Variants in PIWIL3 observed in about 807,000 individuals in gnomAD.
PIWIL3 encodes piwi like RNA-mediated gene silencing 3, also known as piwi-like protein 3.
Under a neutral mutation model 109.7 loss-of-function variants are expected in PIWIL3, and 101 were observed. That is an observed-to-expected ratio of 0.92 (90% CI 0.78 to 1.09). The LOEUF is 1.09. PIWIL3 is among the 50% of genes least tolerant of loss of function. PIWIL3 has a pLI of 0.00. For synonymous variants in PIWIL3, 373 were observed against 376.4 expected, an observed-to-expected ratio of 0.99 and a Z score of 0.10; for missense variants, 1,031 against 1,072.6, an observed-to-expected ratio of 0.96 and a Z score of 0.54.
chr22:24,753,089 CCA>C (rs1358511560), intron 8 of PIWIL3, among the ~76,000 whole-genome samples: 2 of 152,048 alleles, frequency 1.3e-5, no homozygotes, highest in African/African-American at 4.8e-5. Context: ...AACATTTTCC[CCA>C]GTTTTTCCAG....
chr22:24,739,775 G>GGGCGGT (rs1923872301), intron 12 of PIWIL3, among the ~76,000 whole-genome samples: 1 of 152,134 alleles, frequency 6.6e-6, no homozygotes, highest in South Asian at 2.1e-4. Context: ...ATAGGGCCGG[G>GGGCGGT]GGCGGTGGCT....
At chr22:24,772,112 A>T (rs1229396253) in intron 1 of PIWIL3, among the ~76,000 whole-genome samples, 1 of 152,246 alleles carries the variant, frequency 6.6e-6, no homozygotes, top group Non-Finnish European at 1.5e-5. Context: ...ACCAAACAGT[A>T]AGAATTATTA....
intron 11 of PIWIL3, among the ~76,000 whole-genome samples, 178 bp downstream of exon 11, chr22:24,749,225 TC>T (rs910419780): frequency 3.3e-5 from 5 of 151,728 alleles, no homozygotes; most frequent in Non-Finnish European, 5.9e-5. Context: ...ATTTCATTCT[TC>T]CCCCCCGGCC....
At position 24,749,586 on chromosome 22, in the gene PIWIL3, A is replaced by C; in HGVS notation, c.1217-65T>G. ...ATTTGAGTGAGGACTAAATTATAAC[A>C]GCTGGAGGAACCTACTACCAAGGAG... On this transcript the variant is annotated intron_variant, in intron 10 of 20. Coordinates refer to ENST00000616349, the MANE Select transcript of PIWIL3 (RefSeq NM_001255975.1). 4 of 1,610,608 alleles carry C rather than the reference A, an allele frequency of 2.5e-6. No individual in the cohort carries two copies. In the Admixed American group the frequency reaches 6.7e-5, roughly 27 times the overall value.
intron 12 of PIWIL3, among the ~76,000 whole-genome samples, chr22:24,748,454 T>C (rs12158418): frequency 0.057 from 8,747 of 152,292 alleles, 324 homozygotes; most frequent in Middle Eastern, 0.13. Context: ...GAAGGACAAA[T>C]GCTTGAGGGG....
At position 24,757,932 on chromosome 22, in the gene PIWIL3, T is replaced by C. The variant is rs1925190243; in HGVS notation, c.331A>G (p.Lys111Glu). The change falls in exon 4 of 21, where the codon AAG becomes GAG. Residue 111 changes from lysine to glutamate, a missense_variant. Coordinates refer to ENST00000616349, the MANE Select transcript of PIWIL3 (RefSeq NM_001255975.1). The part of the protein sequence containing the change: ...DLVVNTRQDM[K>E]HVKDSKTGSE... ...CCTGTTTTTGAGTCTTTAACATGCTTCATATCTTGCCTGGTGTTCACCACC... is the reference window on the plus strand; with the variant it reads ...CCTGTTTTTGAGTCTTTAACATGCTCCATATCTTGCCTGGTGTTCACCACC... 5 of 1,612,966 alleles carry C rather than the reference T, an allele frequency of 3.1e-6. No individual in the cohort carries two copies. Among genetic ancestry groups the C allele is most frequent in the Non-Finnish European group, 4.2e-6 (5 of 1,179,692 alleles).
rs1416940689 is a variant in PIWIL3 at position 24,721,402 on chromosome 22, T to C, written c.2358-1507A>G. Among the ~76,000 whole-genome samples the C allele has an allele frequency of 2.0e-5, 3 of 152,212 alleles. No homozygotes were observed. The East Asian group carries it at 5.8e-4, about 29-fold the overall frequency. On this transcript the variant is annotated intron_variant, in intron 19 of 20. Transcript: ENST00000616349. ...GATTTTTGCTCAAATCTTGTTATTC[T>C]TCAGTCTTAGGATTCAGAATCTCAG...
Position 24,728,430 on chromosome 22 carries a change from A to G in PIWIL3, c.1708-56T>C, listed in dbSNP as rs201934586. ...AGATACAACAACAGTGATACAGGAA[A>G]GAAAAACCATCTGGAGCAGGCAACT... On this transcript the variant is annotated intron_variant, in intron 14 of 20. Transcript: ENST00000616349. The G allele has an allele frequency of 1.8e-4, 295 of 1,605,600 alleles. 1 individual carries two copies. The highest frequency in any genetic ancestry group is 1.8e-3 in the Middle Eastern group (11 of 6,026).
intron 4 of PIWIL3, among the ~76,000 whole-genome samples, chr22:24,757,466 C>T (rs1392157717): frequency 1.3e-5 from 2 of 151,930 alleles, no homozygotes; most frequent in Admixed American, 6.6e-5. Flanking sequence ...CAGAAGCTTT[C>T]CAGAATCTAT....
At chr22:24,730,889 G>A (rs945108401) in intron 14 of PIWIL3, among the ~76,000 whole-genome samples, 4 of 152,006 alleles carry the variant, frequency 2.6e-5, no homozygotes, top group African/African-American at 9.7e-5. Context: ...CTTAATACTA[G>A]ATTTGCTTCA....
In PIWIL3 at chr22:24,732,754, C is replaced by T. The variant is rs552173025; in HGVS notation, c.1707+1330G>A. 4.6e-5 allele frequency among the ~76,000 whole-genome samples: 7 copies of T among 151,924 alleles called. No individual in the cohort carries two copies. In the South Asian group the frequency reaches 8.3e-4, roughly 18 times the overall value. Reference sequence around the variant, plus strand: ...AGGAGAATGGCATGAACCTGGGAGGCGGAGCTTGAGCCGAGATCACGCCAC... The same window carrying T: ...AGGAGAATGGCATGAACCTGGGAGGTGGAGCTTGAGCCGAGATCACGCCAC... On this transcript the variant is annotated intron_variant, in intron 14 of 20. Coordinates refer to ENST00000616349, the MANE Select transcript of PIWIL3 (RefSeq NM_001255975.1).
chr22:24,772,932 C>T (rs767575779), intron 1 of PIWIL3, among the ~76,000 whole-genome samples: 5 of 152,174 alleles, frequency 3.3e-5, no homozygotes, highest in African/African-American at 4.8e-5. Context: ...TAGCTGAGGG[C>T]GTCCTTCTCC....
chr22:24,754,248 G>A (rs759430482), intron 7 of PIWIL3, 31 bp from the exon 8 acceptor site: 9 of 1,573,446 alleles, frequency 5.7e-6, no homozygotes, highest in Non-Finnish European at 7.9e-6. Context: ...GTATTAGTCC[G>A]ATCTCTTCAC....
At chr22:24,730,275 G>T (rs1191805500) in intron 14 of PIWIL3, among the ~76,000 whole-genome samples, 1 of 141,370 alleles carries the variant, frequency 7.1e-6, no homozygotes, top group South Asian at 2.3e-4. Context: ...TGAGGCAGGA[G>T]AATAGCTTGA....
At chr22:24,767,364 C>T (rs968337267) in intron 1 of PIWIL3, among the ~76,000 whole-genome samples, 8 of 135,236 alleles carry the variant, frequency 5.9e-5, no homozygotes, top group South Asian at 2.4e-4. Flanking sequence ...GGTGAAACCC[C>T]GTCTCTACTA....
intron 12 of PIWIL3, among the ~76,000 whole-genome samples, chr22:24,746,274 A>ATCCT (rs1924362140): frequency 2.6e-5 from 4 of 152,232 alleles, no homozygotes; most frequent in African/African-American, 9.6e-5. Context: ...GGATGGTTCT[A>ATCCT]TGTAGGCAAA....
Position 24,758,052 on chromosome 22 carries a change from A to G in PIWIL3, c.224-13T>C. On this transcript the variant is annotated splice_polypyrimidine_tract_variant and intron_variant, in intron 3 of 20. Coordinates refer to ENST00000616349, the MANE Select transcript of PIWIL3 (RefSeq NM_001255975.1). The stretch of plus-strand genomic sequence containing the variant: ...GGTTCCTTCACCCCTGCATAAATGT[A>G]AACGCCAGAAGTTTAAACAATAAAA... 1.3e-6 allele frequency: 2 copies of G among 1,599,354 alleles called. No individual in the cohort carries two copies. The highest frequency in any genetic ancestry group is 8.5e-7 in the Non-Finnish European group (1 of 1,176,028).
rs377326400 is a variant in PIWIL3, at chr22:24,726,287, C to CTTTT, written c.2010-776_2010-773dup. On this transcript the variant is annotated intron_variant, in intron 16 of 20. Coordinates refer to ENST00000616349, the MANE Select transcript of PIWIL3 (RefSeq NM_001255975.1). ...AAGGTATTGGCTATTTTCTTTCTTT[C>CTTTT]TTTTTTTTTTTTTGAAACGGAGTCT... Among the ~76,000 whole-genome samples the CTTTT allele has an allele frequency of 3.4e-3, 496 of 143,960 alleles. 5 individuals carry two copies. The highest frequency in any genetic ancestry group is 0.012 in the African/African-American group (481 of 39,272). The allele number at this position is 143,960 out of a possible 152,430, so 94.4% of individuals were successfully genotyped here.
At chr22:24,759,835 C>T (rs2147715183) in intron 3 of PIWIL3, 34 bp downstream of exon 3, 1 of 1,613,552 alleles carries the variant, frequency 6.2e-7, no homozygotes, top group Non-Finnish European at 8.5e-7. Context: ...ATGAAGCATC[C>T]CCTGCCCCTC....
Sources: allele counts gnomAD v4.1 joint callset (sites outside exome capture counted in the v4.1 genomes callset), GRCh38; gene constraint gnomAD v4.1.1; transcripts MANE v1.5; gene names NCBI Gene and HGNC (gene_info 2026-07-23, HGNC 2026-07-21).